The following GRM5 variants were observed in gnomAD, a reference collection of about 807,000 sequenced individuals.
GRM5 encodes the protein metabotropic glutamate receptor 5.
GRM5 carries 19 observed loss-of-function variants against 83.1 expected under a neutral mutation model. That is an observed-to-expected ratio of 0.23 (90% confidence interval 0.16 to 0.34). The LOEUF is 0.34. Among genes scored for constraint, GRM5 ranks in the 10% least tolerant of loss-of-function variants. The pLI is 1.00. For missense variants in GRM5, 1,160 were observed against 1,588.3 expected, an observed-to-expected ratio of 0.73 and a Z score of 4.58; for synonymous variants, 675 against 633.6, an observed-to-expected ratio of 1.07 and a Z score of -0.98.
chr11:88,926,920 G>T (rs1945799512), intron 2 of GRM5, among the ~76,000 whole-genome samples: 1 of 152,050 alleles, frequency 6.6e-6, no homozygotes, highest in Admixed American at 6.6e-5. Flanking sequence ...TTAATTATTT[G>T]ATAATTATAT....
chr11:89,016,331 T>A (rs1179990000), intron 2 of GRM5, among the ~76,000 whole-genome samples: 2 of 150,970 alleles, frequency 1.3e-5, no homozygotes, highest in South Asian at 4.1e-4. Flanking sequence ...GTACATGTTA[T>A]GTGCATGGGA....
chr11:88,979,069 T>C (rs1371297348), intron 2 of GRM5, among the ~76,000 whole-genome samples: 1 of 152,214 alleles, frequency 6.6e-6, no homozygotes. Context: ...TTCATCTTCT[T>C]GTTCAGCAAT....
chr11:88,841,286 G>T (rs1432023535), intron 3 of GRM5, among the ~76,000 whole-genome samples: 1 of 152,010 alleles, frequency 6.6e-6, no homozygotes, highest in African/African-American at 2.4e-5. Flanking sequence ...CTGCTTCTTG[G>T]GCAACAGAAG....
intron 2 of GRM5, among the ~76,000 whole-genome samples, chr11:88,992,020 A>C (rs1181709729): frequency 6.6e-6 from 1 of 152,166 alleles, no homozygotes; most frequent in African/African-American, 2.4e-5. Flanking sequence ...AATGGGATCT[A>C]ATTAAACTAA....
intron 3 of GRM5, among the ~76,000 whole-genome samples, chr11:88,708,622 G>T (rs1289622819): frequency 2.0e-5 from 3 of 152,042 alleles, no homozygotes; most frequent in African/African-American, 7.2e-5. Flanking sequence ...ATTAGACAAT[G>T]TATGTAAAAG....
intron 3 of GRM5, among the ~76,000 whole-genome samples, chr11:88,768,535 A>T (rs1942666705): frequency 6.6e-6 from 1 of 151,998 alleles, no homozygotes; most frequent in African/African-American, 2.4e-5. Flanking sequence ...TAAGGTTTGC[A>T]CAACATTATG....
intron 3 of GRM5, among the ~76,000 whole-genome samples, chr11:88,671,993 G>T (rs1331849428): frequency 6.6e-6 from 1 of 151,986 alleles, no homozygotes; most frequent in African/African-American, 2.4e-5. Flanking sequence ...GATTAGTCAA[G>T]AAATTTATAA....
intron 2 of GRM5, among the ~76,000 whole-genome samples, chr11:88,924,272 A>C (rs936181462): frequency 1.3e-5 from 2 of 151,936 alleles, no homozygotes; most frequent in African/African-American, 4.8e-5. Flanking sequence ...TTTAAAATAT[A>C]ACTACTATAA....
chr11:88,637,933 A>G (rs534059322), intron 4 of GRM5, among the ~76,000 whole-genome samples: 2 of 151,808 alleles, frequency 1.3e-5, no homozygotes, highest in Admixed American at 6.6e-5. Context: ...AGACTGGATT[A>G]AGAAAATGTG....
intron 3 of GRM5, among the ~76,000 whole-genome samples, chr11:88,797,105 G>A (rs934874287): frequency 3.3e-5 from 5 of 152,034 alleles, no homozygotes; most frequent in African/African-American, 7.2e-5. Flanking sequence ...TGTTCAACAT[G>A]AGAAGACTGG....
At chr11:88,941,451 GGAGAA>G (rs140141911) in intron 2 of GRM5, among the ~76,000 whole-genome samples, 17,531 of 76,590 alleles carry the variant, frequency 0.23, 2,505 homozygotes, top group Non-Finnish European at 0.34. Context: ...GGAGAAGAGG[GGAGAA>G]GAGAAGAGAA....
intron 3 of GRM5, among the ~76,000 whole-genome samples, chr11:88,701,148 C>T (rs1941025281): frequency 6.6e-6 from 1 of 152,120 alleles, no homozygotes; most frequent in Admixed American, 6.6e-5. Context: ...TGCCACTCAG[C>T]CACTGTAGGC....
Position 88,834,227 on chromosome 11 carries a change from A to AC in GRM5, c.911+15678dup, listed in dbSNP as rs1274639541. ...CTGACTGTAAAAAAAAATCATGTGT[A>AC]CCCCATACATATGTACAAATATGTA... is the stretch of plus-strand genomic sequence containing the variant. On this transcript the variant is annotated intron_variant, in intron 3 of 9. Coordinates refer to ENST00000305447, the MANE Select transcript of GRM5 (RefSeq NM_001143831.3). Among the ~76,000 whole-genome samples, 4 of 152,164 alleles carry AC rather than the reference A, an allele frequency of 2.6e-5. No homozygotes were observed. The East Asian group carries it at 5.8e-4, about 22-fold the overall frequency.
At chr11:88,892,591 A>G (rs1945164444) in intron 2 of GRM5, among the ~76,000 whole-genome samples, 1 of 152,084 alleles carries the variant, frequency 6.6e-6, no homozygotes, top group African/African-American at 2.4e-5. Flanking sequence ...TTCTACAAAG[A>G]ACACAGTCCT....
intron 2 of GRM5, among the ~76,000 whole-genome samples, chr11:88,888,440 C>T (rs1945083058): frequency 6.6e-6 from 1 of 152,250 alleles, no homozygotes; most frequent in Admixed American, 6.5e-5. Context: ...CCTCTTGAAA[C>T]CCTAATGGGA....
intron 3 of GRM5, among the ~76,000 whole-genome samples, chr11:88,743,184 G>A (rs114901784): frequency 1.1e-4 from 17 of 152,148 alleles, no homozygotes; most frequent in African/African-American, 3.6e-4. Context: ...AAGGGAAAAG[G>A]GTGATGGACC....
intron 2 of GRM5, among the ~76,000 whole-genome samples, chr11:89,038,801 G>A (rs987249509): frequency 1.3e-5 from 2 of 152,138 alleles, no homozygotes; most frequent in African/African-American, 4.8e-5. Flanking sequence ...CTACTCCAAT[G>A]TAAAGGAATG....
chr11:89,056,630 G>A (rs1941880840), intron 1 of GRM5, among the ~76,000 whole-genome samples: 1 of 152,068 alleles, frequency 6.6e-6, no homozygotes, highest in Admixed American at 6.6e-5. Flanking sequence ...GGGATAATAT[G>A]TCAGTAGAAA....
chr11:88,769,085 G>A (rs1218455183), intron 3 of GRM5, among the ~76,000 whole-genome samples: 1 of 152,020 alleles, frequency 6.6e-6, no homozygotes, highest in Non-Finnish European at 1.5e-5. Context: ...CAATAAATTT[G>A]TTTCCCATAG....
Sources: gnomAD v4.1 joint callset for allele counts (sites outside exome capture counted in the v4.1 genomes callset) on GRCh38, gnomAD v4.1.1 for gene constraint, MANE v1.5 for transcripts, NCBI Gene and HGNC (gene_info 2026-07-23, HGNC 2026-07-21) for gene names.